CPXM2: variants seen among roughly 807,000 people sequenced by gnomAD.
CPXM2 encodes the protein carboxypeptidase X, M14 family member 2.
CPXM2 carries 66 observed loss-of-function variants against 86.1 expected under a neutral mutation model. The ratio of observed to expected loss-of-function variants is 0.77; its 90% CI spans 0.63 to 0.94. CPXM2 has a LOEUF of 0.94. Ranked by LOEUF, CPXM2 falls within the 40% of genes least tolerant of loss-of-function variation. The pLI is 0.00. For synonymous variants in CPXM2, 388 were observed against 400.2 expected, an observed-to-expected ratio of 0.97 and a Z score of 0.36; for missense variants, 948 against 1,026.3, an observed-to-expected ratio of 0.92 and a Z score of 1.04.
intron 4 of CPXM2, among the ~76,000 whole-genome samples, chr10:123,799,466 T>C (rs1232821556): frequency 6.6e-6 from 1 of 152,186 alleles, no homozygotes; most frequent in African/African-American, 2.4e-5. Context: ...TTTAATCACT[T>C]AGAACAAGGC....
rs149202023 is a variant in CPXM2 at position 123,898,952 on chromosome 10, G to A, written n.175-18643C>T. Among the ~76,000 whole-genome samples, 368 of 152,150 alleles carry A rather than the reference G, an allele frequency of 2.4e-3. 3 individuals are homozygous for A. Among genetic ancestry groups the A allele is most frequent in the African/African-American group, 8.5e-3 (351 of 41,510 alleles). On this transcript the variant is annotated intron_variant and non_coding_transcript_variant, in intron 2 of 19. Transcript: ENST00000368854. ...CATAGCGCAGATGGGGGTTCACCACGTTGCCCAGGCTGGTCTCGAACTCCT... is the reference window on the plus strand; with the variant it reads ...CATAGCGCAGATGGGGGTTCACCACATTGCCCAGGCTGGTCTCGAACTCCT...
chr10:123,746,663 G>A lies in CPXM2; in HGVS notation c.*101C>T. Reference sequence around the variant, plus strand: ...GCACCCTCTCTTCCAGGCACTTCTTGAATTACAGAGGAAACAACAGTGAGT... The same window carrying A: ...GCACCCTCTCTTCCAGGCACTTCTTAAATTACAGAGGAAACAACAGTGAGT... On this transcript the variant is annotated 3_prime_UTR_variant, in exon 14 of 14. Coordinates refer to ENST00000241305, the MANE Select transcript of CPXM2 (RefSeq NM_198148.3). 8.5e-7 allele frequency: 1 copy of A among 1,173,288 alleles called. No homozygotes were observed. The highest frequency in any genetic ancestry group is 1.2e-6 in the Non-Finnish European group (1 of 820,572). 72.7% of individuals were successfully genotyped at this position (1,173,288 alleles called of 1,614,324 possible).
intron 4 of CPXM2, among the ~76,000 whole-genome samples, chr10:123,833,461 G>C (rs1410706912): frequency 6.6e-6 from 1 of 152,234 alleles, no homozygotes; most frequent in African/African-American, 2.4e-5. Context: ...GGCACTGGGG[G>C]TGCTGGAGGT....
intron 2 of CPXM2, among the ~76,000 whole-genome samples, chr10:123,921,026 A>T (rs912049813): frequency 2.0e-5 from 3 of 152,220 alleles, no homozygotes; most frequent in African/African-American, 7.2e-5. Context: ...TGTTATAGCA[A>T]CAAAAAACAG....
intron 7 of CPXM2, among the ~76,000 whole-genome samples, chr10:123,775,923 C>T (rs764154308): frequency 2.0e-5 from 3 of 152,176 alleles, no homozygotes; most frequent in Non-Finnish European, 4.4e-5. Flanking sequence ...CCCATTTAAA[C>T]GCAATTAATT....
At chr10:123,747,921 CAAAAAAAA>C (rs59206856) in intron 13 of CPXM2, among the ~76,000 whole-genome samples, 1 of 72,036 alleles carries the variant, frequency 1.4e-5, no homozygotes, top group South Asian at 5.6e-4. Context: ...GACTCTGTCT[CAAAAAAAA>C]AAAAAAAAAA....
chr10:123,750,839 G>C, intron 13 of CPXM2: 1 of 985,418 alleles, frequency 1.0e-6, no homozygotes, highest in Non-Finnish European at 1.2e-6. Flanking sequence ...GGCCTGGCAG[G>C]GCACGCTGTC....
At chr10:123,851,989 T>C (rs1308052554) in intron 3 of CPXM2, among the ~76,000 whole-genome samples, 1 of 152,072 alleles carries the variant, frequency 6.6e-6, no homozygotes. Flanking sequence ...AGCCCAGGGA[T>C]GCCACAGAAT....
In CPXM2 at chr10:123,797,995, G is replaced by T. The variant is rs752385389; in HGVS notation, c.870C>A (p.Ile290=). The change falls in exon 6 of 14, where the codon ATC becomes ATA. Residue 290 remains isoleucine, a synonymous_variant. Transcript: ENST00000241305. ...ACTCACCTGGCAGTGGGCAGCCCAG[G>T]ATCTCCATTCTCATGCAGATGCTCC... ...DNGSICMRME[I]LGCPLPDPNN... 32 of 1,607,884 alleles carry T rather than the reference G, an allele frequency of 2.0e-5. No individual in the cohort carries two copies. In the Admixed American group the frequency reaches 5.2e-4, roughly 26 times the overall value.
chr10:123,828,498 G>T (rs1848093596), intron 4 of CPXM2, among the ~76,000 whole-genome samples: 1 of 152,118 alleles, frequency 6.6e-6, no homozygotes, highest in African/African-American at 2.4e-5. Context: ...AGATCTGATG[G>T]TTTTATAAAT....
At chr10:123,772,391 ATCACCTGCCTTG>A (rs1846662365) in intron 7 of CPXM2, among the ~76,000 whole-genome samples, 1 of 152,034 alleles carries the variant, frequency 6.6e-6, no homozygotes, top group Non-Finnish European at 1.5e-5. Flanking sequence ...GGTTGTGATC[ATCACCTGCCTTG>A]TTCTGGTTAT....
At chr10:123,828,938 T>C (rs1848102934) in intron 4 of CPXM2, among the ~76,000 whole-genome samples, 1 of 152,034 alleles carries the variant, frequency 6.6e-6, no homozygotes, top group African/African-American at 2.4e-5. Flanking sequence ...AAAGACAAAA[T>C]ATTGACTGGG....
intron 1 of CPXM2, among the ~76,000 whole-genome samples, chr10:123,889,156 T>C (rs1306937162): frequency 6.6e-6 from 1 of 152,230 alleles, no homozygotes; most frequent in African/African-American, 2.4e-5. Flanking sequence ...ATGTAACCCC[T>C]GAGTCTGCAG....
rs566093270 is a variant in CPXM2 at position 123,852,997 on chromosome 10, T to C, written c.513+9617A>G. ...TCTGTGTCCCTGCCCAAATCTCACGTCAAATTGTAATTCCCAGTGTTGGAG... is the reference window on the plus strand; with the variant it reads ...TCTGTGTCCCTGCCCAAATCTCACGCCAAATTGTAATTCCCAGTGTTGGAG... On this transcript the variant is annotated intron_variant, in intron 3 of 13. Coordinates refer to ENST00000241305, the MANE Select transcript of CPXM2 (RefSeq NM_198148.3). Among the ~76,000 whole-genome samples, 7 of 152,316 alleles carry C rather than the reference T, an allele frequency of 4.6e-5. 1 individual carries two copies. The South Asian group carries it at 1.2e-3, about 27-fold the overall frequency.
intron 9 of CPXM2, among the ~76,000 whole-genome samples, chr10:123,768,233 C>G (rs1013478366): frequency 5.9e-5 from 9 of 152,098 alleles, no homozygotes; most frequent in Non-Finnish European, 1.0e-4. Context: ...CAAAAATTAG[C>G]TGGGCATGGT....
At chr10:123,868,238 T>G (rs1272141397) in intron 2 of CPXM2, among the ~76,000 whole-genome samples, 1 of 152,190 alleles carries the variant, frequency 6.6e-6, no homozygotes, top group African/African-American at 2.4e-5. Flanking sequence ...TCTTGGTCCC[T>G]GAAGTGACAT....
At chr10:123,801,853 CTCT>C (rs1289136191) in intron 4 of CPXM2, among the ~76,000 whole-genome samples, 1 of 152,218 alleles carries the variant, frequency 6.6e-6, no homozygotes, top group East Asian at 1.9e-4. Context: ...TTCTCTCCTC[CTCT>C]GTCTGCCTTT....
rs559593376 is a variant in CPXM2, at chr10:123,817,499, C to T, written c.654-18300G>A. ...AACATTTGTCTATGGGTCATCAAGT[C>T]ACCATGCGACCTCAACTGTCTATCA... On this transcript the variant is annotated intron_variant, in intron 4 of 13. Transcript: ENST00000241305. Among the ~76,000 whole-genome samples the T allele has an allele frequency of 4.6e-5, 7 of 152,292 alleles. No individual in the cohort carries two copies. In the South Asian group the frequency reaches 1.2e-3, roughly 27 times the overall value.
intron 2 of CPXM2, among the ~76,000 whole-genome samples, chr10:123,921,189 T>G (rs1564822903): frequency 6.6e-6 from 1 of 152,192 alleles, no homozygotes; most frequent in East Asian, 1.9e-4. Flanking sequence ...AGAGGAGGTG[T>G]AAGAGAGTGC....
Sources: gnomAD v4.1 joint callset for allele counts (sites outside exome capture counted in the v4.1 genomes callset) on GRCh38, gnomAD v4.1.1 for gene constraint, MANE v1.5 for transcripts, NCBI Gene and HGNC (gene_info 2026-07-23, HGNC 2026-07-21) for gene names.